PRKAR1A: variants seen among roughly 807,000 people sequenced by gnomAD.
PRKAR1A encodes cAMP-dependent protein kinase type I-alpha regulatory subunit.
Under a neutral mutation model 52.0 loss-of-function variants are expected in PRKAR1A, and 3 were observed. The observed-to-expected ratio is 0.06, with a 90% confidence interval of 0.03 to 0.15. PRKAR1A has a LOEUF of 0.15. Among genes scored for constraint, PRKAR1A ranks in the 10% least tolerant of loss-of-function variants. The pLI, the probability that PRKAR1A is intolerant of heterozygous loss-of-function variation, is 1.00. For missense variants in PRKAR1A, 240 were observed against 477.4 expected, an observed-to-expected ratio of 0.50 and a Z score of 4.63; for synonymous variants, 188 against 168.4, an observed-to-expected ratio of 1.12 and a Z score of -0.90.
At position 68,532,359 on chromosome 17, in the gene PRKAR1A, A is replaced by G; in HGVS notation, c.*1910A>G. On this transcript the variant is annotated 3_prime_UTR_variant, in exon 11 of 11. Transcript: ENST00000589228. ...CATGCTCATGTATATTTAGTTACGT[A>G]TAATGCTTTCTGAGTGAGTTTTACT... The G allele has an allele frequency of 9.5e-7, 1 of 1,056,568 alleles. No individual in the cohort carries two copies. Among genetic ancestry groups the G allele is most frequent in the Non-Finnish European group, 1.1e-6 (1 of 871,086 alleles). 65.4% of individuals were successfully genotyped at this position (1,056,568 alleles called of 1,614,324 possible).
At chr17:68,426,251 G>GGGGGT in the PRKAR1A span, 1 of 825,454 alleles carries the variant, frequency 1.2e-6, no homozygotes, top group Non-Finnish European at 1.9e-6. Flanking sequence ...GTGGGGAGCG[G>GGGGGT]GGGCTCAAAT....
the PRKAR1A span, chr17:68,422,147 G>T: frequency 3.9e-6 from 1 of 256,972 alleles, no homozygotes; most frequent in Non-Finnish European, 7.7e-6. Flanking sequence ...GTCAGTTTAG[G>T]CTGGGCGCGG....
the PRKAR1A span, among the ~76,000 whole-genome samples, chr17:68,450,166 A>AC: frequency 1.3e-5 from 2 of 151,868 alleles, no homozygotes; most frequent in Non-Finnish European, 2.9e-5. Flanking sequence ...AATGCTACAA[A>AC]AAAAACAAAA....
intron 7 of PRKAR1A, 33 bp from the exon 8 acceptor site, chr17:68,527,807 T>C (rs914443892): frequency 6.5e-7 from 1 of 1,536,422 alleles, no homozygotes; most frequent in Non-Finnish European, 9.0e-7. Flanking sequence ...TTACACGTCT[T>C]GGGGATATCA....
At chr17:68,486,501 CCTTCCTTCTTTCTT>C in the PRKAR1A span, among the ~76,000 whole-genome samples, 3 of 43,340 alleles carry the variant, frequency 6.9e-5, no homozygotes, top group Admixed American at 3.0e-4. Context: ...TTCCTTCCTT[CCTTCCTTCTTTCTT>C]TCTTTCTTTC....
the PRKAR1A span, among the ~76,000 whole-genome samples, chr17:68,453,766 C>G: frequency 6.6e-6 from 1 of 152,094 alleles, no homozygotes; most frequent in African/African-American, 2.4e-5. Flanking sequence ...GCCACCATGC[C>G]TGGTCTAAGA....
chr17:68,475,046 A>G, the PRKAR1A span, among the ~76,000 whole-genome samples: 1 of 152,242 alleles, frequency 6.6e-6, no homozygotes, highest in Non-Finnish European at 1.5e-5. Flanking sequence ...ATCAATGAAT[A>G]CATTTAATGC....
At chr17:68,419,155 A>C in the PRKAR1A span, among the ~76,000 whole-genome samples, 1 of 152,150 alleles carries the variant, frequency 6.6e-6, no homozygotes, top group African/African-American at 2.4e-5. Flanking sequence ...CTTCAACCCA[A>C]AGTGAAATGA....
chr17:68,501,107 C>T, the PRKAR1A span, among the ~76,000 whole-genome samples: 4,009 of 152,006 alleles, frequency 0.026, 79 homozygotes, highest in Non-Finnish European at 0.04. Flanking sequence ...TCCTCCTTGA[C>T]GGTGGATCAG....
chr17:68,451,727 C>T, the PRKAR1A span, among the ~76,000 whole-genome samples: 1 of 152,112 alleles, frequency 6.6e-6, no homozygotes, highest in Admixed American at 6.5e-5. Flanking sequence ...CTCCCCCCAC[C>T]CCCTATCTTG....
the PRKAR1A span, among the ~76,000 whole-genome samples, chr17:68,487,140 G>A: frequency 0.34 from 51,204 of 151,698 alleles, 8,779 homozygotes; most frequent in Middle Eastern, 0.38. Flanking sequence ...CCAAAGTGCA[G>A]GGATTACAGG....
the PRKAR1A span, among the ~76,000 whole-genome samples, chr17:68,433,789 T>G: frequency 1.7e-5 from 1 of 58,010 alleles, no homozygotes; most frequent in African/African-American, 5.6e-5. Context: ...TTTTTTTTTT[T>G]TTTTTTTTTG....
At chr17:68,456,057 AAG>A in the PRKAR1A span, among the ~76,000 whole-genome samples, 1 of 152,216 alleles carries the variant, frequency 6.6e-6, no homozygotes, top group Non-Finnish European at 1.5e-5. Context: ...CTTAGAAAAA[AAG>A]GACACAGAAA....
chr17:68,444,667 CAT>C, the PRKAR1A span: 1 of 1,193,588 alleles, frequency 8.4e-7, no homozygotes. Flanking sequence ...ATTCATCTTT[CAT>C]ATGAGTCCTA....
At chr17:68,503,144 C>A in the PRKAR1A span, among the ~76,000 whole-genome samples, 1 of 152,130 alleles carries the variant, frequency 6.6e-6, no homozygotes, top group East Asian at 1.9e-4. Flanking sequence ...CATTAGGGAA[C>A]TATAAATTAA....
Position 68,532,971 on chromosome 17 carries a change from T to C in PRKAR1A, c.*2522T>C. On this transcript the variant is annotated 3_prime_UTR_variant, in exon 11 of 11. Coordinates refer to ENST00000589228, the MANE Select transcript of PRKAR1A (RefSeq NM_002734.5). Reference sequence around the variant, plus strand: ...TCTTGCTTAAAGGGTAATTGAGATGTAGCAGATTTATTTACTTAGTCATGG... The same window carrying C: ...TCTTGCTTAAAGGGTAATTGAGATGCAGCAGATTTATTTACTTAGTCATGG... The C allele has an allele frequency of 9.4e-7, 1 of 1,065,966 alleles. No individual in the cohort carries two copies. Among genetic ancestry groups the C allele is most frequent in the Non-Finnish European group, 1.1e-6 (1 of 879,698 alleles). 66.0% of individuals were successfully genotyped at this position (1,065,966 alleles called of 1,614,324 possible).
At chr17:68,486,506 C>CTTCTTTCTTTCTTTCT in the PRKAR1A span, among the ~76,000 whole-genome samples, 12 of 48,258 alleles carry the variant, frequency 2.5e-4, no homozygotes, top group East Asian at 1.4e-3. Flanking sequence ...TCCTTCCTTC[C>CTTCTTTCTTTCTTTCT]TTCTTTCTTT....
the PRKAR1A span, among the ~76,000 whole-genome samples, chr17:68,440,208 A>G: frequency 6.6e-6 from 1 of 152,258 alleles, no homozygotes; most frequent in Non-Finnish European, 1.5e-5. Context: ...CTGCCTTCCT[A>G]CCCTTACAGA....
In PRKAR1A at chr17:68,512,481, C is replaced by G; in HGVS notation, c.-74C>G. Reference sequence around the variant, plus strand: ...GAGTGGAGCGGGGCTGGGAGCAAAGCGCTGAGGGAGCTCGGTACGCCGCCG... The same window carrying G: ...GAGTGGAGCGGGGCTGGGAGCAAAGGGCTGAGGGAGCTCGGTACGCCGCCG... On this transcript the variant is annotated 5_prime_UTR_variant, in exon 1 of 11. Coordinates refer to ENST00000589228, the MANE Select transcript of PRKAR1A (RefSeq NM_002734.5). 1 of 153,958 alleles carries G rather than the reference C, an allele frequency of 6.5e-6. No individual in the cohort carries two copies. The highest frequency in any genetic ancestry group is 1.9e-4 in the East Asian group (1 of 5,252). 9.5% of individuals were successfully genotyped at this position (153,958 alleles called of 1,614,324 possible).
Sources: allele counts gnomAD v4.1 joint callset (sites outside exome capture counted in the v4.1 genomes callset), GRCh38; gene constraint gnomAD v4.1.1; transcripts MANE v1.5; gene names NCBI Gene and HGNC (gene_info 2026-07-23, HGNC 2026-07-21).